Variants in PCNX1 observed in about 807,000 individuals in gnomAD.
PCNX1 encodes the protein pecanex-like protein 1.
In PCNX1, 78 loss-of-function variants were observed where a neutral mutation model predicts 242.2. That is an observed-to-expected ratio of 0.32 (90% CI 0.27 to 0.39). The LOEUF (loss-of-function observed/expected upper bound fraction) is 0.39. Ranked by LOEUF, PCNX1 falls within the 10% of genes least tolerant of loss-of-function variation. The pLI is 1.00. For synonymous variants in PCNX1, 1,024 were observed against 1,032.9 expected (o/e 0.99, Z 0.17); for missense variants, 2,581 against 2,856.5 (o/e 0.90, Z 2.20).
intron 2 of PCNX1, 42 bp from the exon 3 acceptor site, chr14:70,962,184 G>C: frequency 1.7e-6 from 2 of 1,177,192 alleles, no homozygotes; most frequent in Non-Finnish European, 2.6e-6. Flanking sequence ...ATTGGAGTCA[G>C]AATAATGACA....
intron 6 of PCNX1, among the ~76,000 whole-genome samples, chr14:70,984,981 G>T (rs2058955402): frequency 6.6e-6 from 1 of 151,826 alleles, no homozygotes; most frequent in South Asian, 2.1e-4. Flanking sequence ...TAAATGTGAA[G>T]TAACTCCTGA....
intron 23 of PCNX1, among the ~76,000 whole-genome samples, chr14:71,051,532 C>T (rs2061036256): frequency 6.6e-6 from 1 of 152,166 alleles, no homozygotes; most frequent in African/African-American, 2.4e-5. Context: ...TTAGTAACCA[C>T]ATTGATATGG....
At position 71,101,994 on chromosome 14, in the gene PCNX1, A is replaced by T; in HGVS notation, c.5594A>T (p.His1865Leu). ...ATATATTATTTTTGTATTTAGGATCATTTTACTTCTCCAGATGAATATGAT... is the reference window on the plus strand; with the variant it reads ...ATATATTATTTTTGTATTTAGGATCTTTTTACTTCTCCAGATGAATATGAT... Reference protein sequence around the residue: ...IRMSIKLHQDHFTSPDEYDDP... With the variant: ...IRMSIKLHQDLFTSPDEYDDP... The change falls in exon 31 of 36, where the codon CAT becomes CTT. Residue 1865 changes from histidine to leucine, a missense_variant. By Grantham distance (99) the His-to-Leu change is moderately conservative. Around this residue, in one of 9 missense-constraint regions of PCNX1, gnomAD observed 298 missense variants for 480.1 expected, o/e 0.62. Coordinates refer to ENST00000304743, the MANE Select transcript of PCNX1 (RefSeq NM_014982.3). The T allele has an allele frequency of 6.5e-7, 1 of 1,540,290 alleles. No individual in the cohort carries two copies. The highest frequency in any genetic ancestry group is 8.8e-7 in the Non-Finnish European group (1 of 1,132,768).
chr14:71,048,948 C>G lies in PCNX1; in HGVS notation c.4338+964C>G, dbSNP rs114583156. The G allele has an allele frequency of 1.2e-3, 579 of 501,688 alleles. 6 individuals are homozygous for G. Among genetic ancestry groups the G allele is most frequent in the African/African-American group, 0.012 (555 of 48,246 alleles). 31.1% of individuals were successfully genotyped at this position (501,688 alleles called of 1,614,324 possible). ...AAAATATTTCAATATTATATCTGTT[C>G]AGTCACTAATTTGTATTTTTATCAT... On this transcript the variant is annotated intron_variant, in intron 22 of 35. Coordinates refer to ENST00000304743, the MANE Select transcript of PCNX1 (RefSeq NM_014982.3).
intron 1 of PCNX1, among the ~76,000 whole-genome samples, chr14:70,918,400 TCC>T (rs1566565122): frequency 6.6e-6 from 1 of 152,186 alleles, no homozygotes; most frequent in African/African-American, 2.4e-5. Context: ...TTGATGGTAC[TCC>T]CATCAACAAA....
chr14:71,065,901 T>G (rs2061434253), intron 26 of PCNX1, among the ~76,000 whole-genome samples: 1 of 152,214 alleles, frequency 6.6e-6, no homozygotes, highest in Admixed American at 6.5e-5. Flanking sequence ...TTTTGTCAGG[T>G]TTGTCAAAGA....
At chr14:70,994,837 CTTAA>C (rs1222860218) in intron 7 of PCNX1, among the ~76,000 whole-genome samples, 2 of 151,158 alleles carry the variant, frequency 1.3e-5, no homozygotes. Flanking sequence ...AATATAGTCT[CTTAA>C]TTTGGATAAT....
chr14:71,102,440 G>GT (rs796985386), intron 31 of PCNX1, among the ~76,000 whole-genome samples: 2 of 151,862 alleles, frequency 1.3e-5, no homozygotes, highest in Admixed American at 6.6e-5. Context: ...TAATTTTTGT[G>GT]TTTTTTGTAG....
At chr14:71,095,745 A>G (rs775220696) in intron 30 of PCNX1, among the ~76,000 whole-genome samples, 1 of 152,320 alleles carries the variant, frequency 6.6e-6, no homozygotes, top group East Asian at 1.9e-4. Flanking sequence ...GGCACCTCAC[A>G]GTTTTCAATG....
chr14:71,028,756 G>C lies in PCNX1; in HGVS notation c.3523G>C (p.Ala1175Pro), dbSNP rs1267691213. The C allele has an allele frequency of 2.6e-5, 41 of 1,607,240 alleles. No homozygotes were observed. The highest frequency in any genetic ancestry group is 3.5e-5 in the Non-Finnish European group (41 of 1,176,400). ...YSFICSIVAV[A>P]LLYGLCYGAL... is the part of the protein sequence containing the mutation. ...TTTTATCTGTAGCATTGTTGCAGTA[G>C]CCTTATTGTATGGATTATGTTATGG... The change falls in exon 16 of 36, where the codon GCC becomes CCC. Residue 1175 changes from alanine (A) to proline (P), a missense_variant. Physicochemically the swap from Ala to Pro is conservative, Grantham distance 27. Around this residue, in one of 9 missense-constraint regions of PCNX1, gnomAD observed 432 missense variants for 443.1 expected, o/e 0.97. Transcript: ENST00000304743.
intron 26 of PCNX1, among the ~76,000 whole-genome samples, chr14:71,064,718 G>A (rs150897798): frequency 2.1e-4 from 32 of 152,184 alleles, no homozygotes; most frequent in African/African-American, 5.5e-4. Context: ...TGCTGCACCC[G>A]TTAACTAGTG....
At chr14:70,949,900 A>G (rs1487472850) in intron 2 of PCNX1, among the ~76,000 whole-genome samples, 1 of 152,240 alleles carries the variant, frequency 6.6e-6, no homozygotes, top group African/African-American at 2.4e-5. Context: ...AGATGCTGTT[A>G]TTATCCCTGA....
At chr14:71,109,263 T>C (rs2062704117) in intron 34 of PCNX1, among the ~76,000 whole-genome samples, 189 bp from the exon 35 acceptor site, 1 of 152,220 alleles carries the variant, frequency 6.6e-6, no homozygotes, top group Non-Finnish European at 1.5e-5. Context: ...CACTGTCTCA[T>C]GGACATTGCA....
chr14:71,105,180 AC>A (rs2062577479), intron 32 of PCNX1, 54 bp from the exon 33 acceptor site: 1 of 1,301,746 alleles, frequency 7.7e-7, no homozygotes, highest in Non-Finnish European at 1.1e-6. Flanking sequence ...AGAATAAAAT[AC>A]CCATTTTGAA....
intron 2 of PCNX1, among the ~76,000 whole-genome samples, chr14:70,952,855 C>G (rs1363363447): frequency 6.6e-6 from 1 of 152,114 alleles, no homozygotes; most frequent in East Asian, 1.9e-4. Flanking sequence ...AATGATTTTA[C>G]CAGTTTATAC....
intron 28 of PCNX1, among the ~76,000 whole-genome samples, chr14:71,079,882 C>A (rs1347870872): frequency 6.6e-6 from 1 of 152,126 alleles, no homozygotes; most frequent in African/African-American, 2.4e-5. Flanking sequence ...TTAATTAGAT[C>A]CCATTTGTCA....
intron 23 of PCNX1, 149 bp downstream of exon 23, chr14:71,050,909 C>T (rs1349271870): frequency 1.4e-6 from 1 of 728,194 alleles, no homozygotes; most frequent in Non-Finnish European, 2.1e-6. Context: ...TGGCTCACGC[C>T]TGTAATCCCA....
rs1052971284 is a variant in PCNX1 at position 71,112,886 on chromosome 14, G to A, written c.*2951G>A. On this transcript the variant is annotated 3_prime_UTR_variant, in exon 36 of 36. Transcript: ENST00000304743. Reference sequence around the variant, plus strand: ...CCCCTCTTTTGAGAGAAAGGTAATCGTGGAATGAGTTATAAATTATTGCCT... The same window carrying A: ...CCCCTCTTTTGAGAGAAAGGTAATCATGGAATGAGTTATAAATTATTGCCT... 6.6e-6 allele frequency: 1 copy of A among 152,042 alleles called. No individual in the cohort carries two copies. Among genetic ancestry groups the A allele is most frequent in the South Asian group, 2.1e-4 (1 of 4,822 alleles). 9.4% of individuals were successfully genotyped at this position (152,042 alleles called of 1,614,324 possible).
intron 8 of PCNX1, among the ~76,000 whole-genome samples, chr14:70,999,555 A>G (rs2059445391): frequency 6.6e-6 from 1 of 152,148 alleles, no homozygotes; most frequent in African/African-American, 2.4e-5. Flanking sequence ...AATGTATCTG[A>G]TTTTTAAAAA....
Sources: gnomAD v4.1 joint callset for allele counts (sites outside exome capture counted in the v4.1 genomes callset) on GRCh38, gnomAD v4.1.1 for gene constraint, gnomAD v4.1.1 regional missense constraint, MANE v1.5 for transcripts, NCBI Gene and HGNC (gene_info 2026-07-23, HGNC 2026-07-21) for gene names.